The following SMIM36 variants were observed in gnomAD, a reference collection of about 807,000 sequenced individuals.
SMIM36 encodes small integral membrane protein 36.
chr17:55,500,374 C>G (rs1157150364), intron 1 of SMIM36, among the ~76,000 whole-genome samples: 1 of 152,150 alleles, frequency 6.6e-6, no homozygotes, highest in Admixed American at 6.6e-5. Context: ...ATCCTCTTGC[C>G]TCAGCTTCCC....
At chr17:55,501,042 T>TA (rs1909927835) in intron 1 of SMIM36, among the ~76,000 whole-genome samples, 1 of 69,920 alleles carries the variant, frequency 1.4e-5, no homozygotes, top group African/African-American at 7.6e-5. Context: ...TATTATTATA[T>TA]ATTATAATAT....
chr17:55,460,824 C>G (rs1051699545), intron 4 of SMIM36, among the ~76,000 whole-genome samples: 1 of 152,074 alleles, frequency 6.6e-6, no homozygotes, highest in Admixed American at 6.6e-5. Flanking sequence ...TGCCACTGCA[C>G]TGCAGCCTGG....
chr17:55,496,474 G>A (rs1909809070), intron 1 of SMIM36, among the ~76,000 whole-genome samples: 1 of 152,126 alleles, frequency 6.6e-6, no homozygotes, highest in Admixed American at 6.5e-5. Flanking sequence ...TCTCAATCCT[G>A]GTGTTACAAA....
At chr17:55,520,901 C>T in the SMIM36 span, among the ~76,000 whole-genome samples, 91 of 152,180 alleles carry the variant, frequency 6.0e-4, no homozygotes, top group Admixed American at 1.6e-3. Context: ...GAGGCCAAGG[C>T]GGGTGGATAA....
chr17:55,520,912 C>A, the SMIM36 span, among the ~76,000 whole-genome samples: 2 of 152,130 alleles, frequency 1.3e-5, no homozygotes, highest in African/African-American at 4.8e-5. Flanking sequence ...GGGTGGATAA[C>A]CTGAGGCCCG....
exon 1 of SMIM36, chr17:55,511,247 T>C (rs993724460): frequency 1.0e-5 from 4 of 398,426 alleles, no homozygotes; most frequent in African/African-American, 6.2e-5. Flanking sequence ...ACGCAGGAGA[T>C]GAGGAAGACC....
At chr17:55,454,245 C>A (rs1908976774) in intron 4 of SMIM36, among the ~76,000 whole-genome samples, 1 of 151,966 alleles carries the variant, frequency 6.6e-6, no homozygotes, top group South Asian at 2.1e-4. Flanking sequence ...AATGAAGCCC[C>A]CAAATAAATT....
the SMIM36 span, among the ~76,000 whole-genome samples, chr17:55,525,843 A>T: frequency 6.6e-6 from 1 of 152,078 alleles, no homozygotes; most frequent in Non-Finnish European, 1.5e-5. Flanking sequence ...TTTTTAGTAG[A>T]GATGGGGTTT....
At chr17:55,516,554 C>CTTTTT in the SMIM36 span, among the ~76,000 whole-genome samples, 1 of 98,558 alleles carries the variant, frequency 1.0e-5, no homozygotes, top group Non-Finnish European at 1.8e-5. Flanking sequence ...AACAGTCTTC[C>CTTTTT]TTTTTTTTTT....
intron 1 of SMIM36, among the ~76,000 whole-genome samples, chr17:55,490,884 AT>A (rs11347463): frequency 0.37 from 55,210 of 147,682 alleles, 11,394 homozygotes; most frequent in South Asian, 0.51. Flanking sequence ...GGTGATTTCC[AT>A]TTTTTTTTTT....
At chr17:55,478,191 C>G (rs535900801) in intron 3 of SMIM36, among the ~76,000 whole-genome samples, 5 of 150,646 alleles carry the variant, frequency 3.3e-5, no homozygotes, top group East Asian at 3.9e-4. Context: ...CCTCCTCCCC[C>G]CACCCAAAAA....
chr17:55,525,390 A>T, the SMIM36 span, among the ~76,000 whole-genome samples: 1 of 152,130 alleles, frequency 6.6e-6, no homozygotes, highest in Non-Finnish European at 1.5e-5. Context: ...ATCCATCTTT[A>T]ATACCAAGTC....
chr17:55,482,212 C>T (rs563685086), intron 1 of SMIM36, among the ~76,000 whole-genome samples: 1 of 152,258 alleles, frequency 6.6e-6, no homozygotes, highest in South Asian at 2.1e-4. Context: ...GGAAAGAACT[C>T]GTTGGTTGCC....
intron 1 of SMIM36, among the ~76,000 whole-genome samples, chr17:55,483,020 T>A (rs900839211): frequency 2.0e-5 from 3 of 152,220 alleles, no homozygotes; most frequent in Non-Finnish European, 4.4e-5. Flanking sequence ...GATTTCAAAA[T>A]GTGCACAAAC....
At chr17:55,465,442 G>A (rs181441763) in intron 4 of SMIM36, among the ~76,000 whole-genome samples, 1 of 152,280 alleles carries the variant, frequency 6.6e-6, no homozygotes, top group East Asian at 1.9e-4. Flanking sequence ...TTAGCCAGAA[G>A]ATTTGAAGAC....
chr17:55,469,317 G>C (rs1220874462), intron 3 of SMIM36, among the ~76,000 whole-genome samples: 3 of 152,156 alleles, frequency 2.0e-5, no homozygotes, highest in Non-Finnish European at 1.5e-5. Context: ...CATAGTCAAG[G>C]TTAATGCTGC....
At chr17:55,513,875 A>G (rs1429355363), upstream of SMIM36, among the ~76,000 whole-genome samples, 1 of 152,164 alleles carries the variant, frequency 6.6e-6, no homozygotes, top group Non-Finnish European at 1.5e-5. Flanking sequence ...ATGGTGAGTG[A>G]TCTGGTCTGG....
intron 4 of SMIM36, among the ~76,000 whole-genome samples, chr17:55,459,940 C>T (rs1439189412): frequency 6.6e-6 from 1 of 152,004 alleles, no homozygotes; most frequent in Admixed American, 6.6e-5. Context: ...CTGTAGTAAG[C>T]TATGATAGCA....
At chr17:55,452,554 T>G (rs1908939454) in intron 4 of SMIM36, among the ~76,000 whole-genome samples, 1 of 152,074 alleles carries the variant, frequency 6.6e-6, no homozygotes, top group Non-Finnish European at 1.5e-5. Flanking sequence ...TGACCGTGAG[T>G]CTGGACAAAT....
Sources: allele counts gnomAD v4.1 joint callset (sites outside exome capture counted in the v4.1 genomes callset), GRCh38; gene constraint gnomAD v4.1.1; transcripts MANE v1.5; gene names NCBI Gene and HGNC (gene_info 2026-07-23, HGNC 2026-07-21).